Variants in KCNIP4 observed in about 807,000 individuals in gnomAD.
KCNIP4 encodes the protein potassium voltage-gated channel interacting protein 4.
KCNIP4 carries 12 observed loss-of-function variants against 34.0 expected under a neutral mutation model. That is an observed-to-expected ratio of 0.35 (90% CI 0.23 to 0.57). The LOEUF is 0.57. Ranked by LOEUF, KCNIP4 falls within the 20% of genes least tolerant of loss-of-function variation. The pLI is 0.83. For missense variants in KCNIP4, 238 were observed against 311.7 expected (o/e 0.76, Z 1.78); for synonymous variants, 124 against 102.2 (o/e 1.21, Z -1.29).
At chr4:21,533,656 C>T (rs1311595030) in intron 1 of KCNIP4, among the ~76,000 whole-genome samples, 2 of 152,026 alleles carry the variant, frequency 1.3e-5, no homozygotes, top group African/African-American at 4.8e-5. Context: ...CAGAAAAAAA[C>T]TTTTAATAGT....
chr4:21,175,653 G>A (rs749685360), intron 1 of KCNIP4, among the ~76,000 whole-genome samples: 6 of 152,170 alleles, frequency 3.9e-5, no homozygotes, highest in Non-Finnish European at 7.3e-5. Flanking sequence ...CGCAAGCACT[G>A]CAATACTTCA....
At chr4:21,400,221 G>A (rs562644508) in intron 1 of KCNIP4, among the ~76,000 whole-genome samples, 20 of 152,198 alleles carry the variant, frequency 1.3e-4, no homozygotes, top group East Asian at 3.9e-4. Context: ...GCAGGGGAGC[G>A]TGGGTGAAAA....
At chr4:21,519,765 G>C (rs1475560291) in intron 1 of KCNIP4, among the ~76,000 whole-genome samples, 1 of 136,528 alleles carries the variant, frequency 7.3e-6, no homozygotes, top group Non-Finnish European at 1.5e-5. Flanking sequence ...GTATGTATGT[G>C]TGTATACACA....
chr4:21,562,966 A>G (rs1739580140), intron 1 of KCNIP4, among the ~76,000 whole-genome samples: 1 of 152,176 alleles, frequency 6.6e-6, no homozygotes, highest in East Asian at 1.9e-4. Flanking sequence ...CCTTTGATTT[A>G]TCTTACAAGG....
At chr4:21,310,043 T>C (rs1245661791) in intron 1 of KCNIP4, among the ~76,000 whole-genome samples, 1 of 152,014 alleles carries the variant, frequency 6.6e-6, no homozygotes, top group Non-Finnish European at 1.5e-5. Context: ...TTTTTTGGTT[T>C]TTTTGAGACA....
At chr4:21,753,911 A>G (rs1717324427) in intron 1 of KCNIP4, among the ~76,000 whole-genome samples, 1 of 151,904 alleles carries the variant, frequency 6.6e-6, no homozygotes, top group South Asian at 2.1e-4. Context: ...CTCTCCATCT[A>G]CTGACCCCCT....
At chr4:21,369,102 G>A (rs1255449695) in intron 1 of KCNIP4, among the ~76,000 whole-genome samples, 1 of 146,946 alleles carries the variant, frequency 6.8e-6, no homozygotes, top group African/African-American at 2.7e-5. Context: ...CTAGCTGAAT[G>A]GTCTTGAGAA....
chr4:21,570,789 C>T (rs1293590031), intron 1 of KCNIP4, among the ~76,000 whole-genome samples: 1 of 152,042 alleles, frequency 6.6e-6, no homozygotes, highest in Non-Finnish European at 1.5e-5. Flanking sequence ...AATGTTTATC[C>T]AGTACTCAAT....
At position 21,303,679 on chromosome 4, in the gene KCNIP4, G is replaced by C. The variant is rs113765120; in HGVS notation, c.62-420970C>G. 5 of 624,194 alleles carry C rather than the reference G, an allele frequency of 8.0e-6. No homozygotes were observed. The African/African-American group carries it at 9.3e-5, about 12-fold the overall frequency. 38.7% of individuals were successfully genotyped at this position (624,194 alleles called of 1,614,324 possible). ...TAATCTTTCCTACCCTGAAAAACCT[G>C]GCTTCCTTCATGTCCATCCCAGAGT... On this transcript the variant is annotated intron_variant, in intron 1 of 8. Transcript: ENST00000382152.
chr4:21,319,151 A>G (rs760877030), intron 1 of KCNIP4, among the ~76,000 whole-genome samples: 2 of 152,198 alleles, frequency 1.3e-5, no homozygotes, highest in African/African-American at 2.4e-5. Flanking sequence ...AGGCAAAGGA[A>G]AATGGAAAAG....
chr4:20,865,730 G>T lies in KCNIP4; in HGVS notation c.164-15063C>A, dbSNP rs183896869. The stretch of plus-strand genomic sequence containing the variant: ...AGGAACTAGGGAGATGTAGGTCAAG[G>T]TATAGAAAGTAACATATAGGATGAA... On this transcript the variant is annotated intron_variant, in intron 2 of 8. Coordinates refer to ENST00000382152, the MANE Select transcript of KCNIP4 (RefSeq NM_025221.6). 5.9e-5 allele frequency among the ~76,000 whole-genome samples: 9 copies of T among 152,072 alleles called. No individual in the cohort carries two copies. In the East Asian group the frequency reaches 1.7e-3, roughly 29 times the overall value.
intron 3 of KCNIP4, among the ~76,000 whole-genome samples, chr4:20,766,125 A>T (rs956299864): frequency 1.3e-5 from 2 of 152,190 alleles, no homozygotes; most frequent in African/African-American, 2.4e-5. Flanking sequence ...AATGTTTTAC[A>T]TGGATTATCT....
At chr4:21,159,072 C>A (rs184714381) in intron 1 of KCNIP4, among the ~76,000 whole-genome samples, 2 of 152,030 alleles carry the variant, frequency 1.3e-5, no homozygotes, top group Non-Finnish European at 2.9e-5. Context: ...AAACTCACAG[C>A]GGGCATTGTT....
At chr4:21,091,927 G>C (rs570005136) in intron 1 of KCNIP4, among the ~76,000 whole-genome samples, 3 of 152,208 alleles carry the variant, frequency 2.0e-5, no homozygotes, top group African/African-American at 7.2e-5. Flanking sequence ...CAGTCCATAA[G>C]ACCATGAAAA....
rs138840296 is a variant in KCNIP4 at position 20,961,141 on chromosome 4, T to G, written c.62-78432A>C. ...GGCCTAAGGAAAAGGAAAATAGAACTTAAGAGCTCAGTAAAAAATGTTTAT... is the reference window on the plus strand; with the variant it reads ...GGCCTAAGGAAAAGGAAAATAGAACGTAAGAGCTCAGTAAAAAATGTTTAT... On this transcript the variant is annotated intron_variant, in intron 1 of 8. Transcript: ENST00000382152. Among the ~76,000 whole-genome samples the G allele has an allele frequency of 2.6e-5, 4 of 152,304 alleles. No individual in the cohort carries two copies. The East Asian group carries it at 7.7e-4, about 29-fold the overall frequency.
intron 2 of KCNIP4, among the ~76,000 whole-genome samples, chr4:20,864,021 T>TATGCATACATACATATGTATGC (rs1722496014): frequency 7.5e-6 from 1 of 133,084 alleles, no homozygotes; most frequent in African/African-American, 3.0e-5. Context: ...TGTGTGTATG[T>TATGCATACATACATATGTATGC]ATACATACAT....
intron 1 of KCNIP4, among the ~76,000 whole-genome samples, chr4:20,971,620 T>A (rs1302549792): frequency 6.6e-6 from 1 of 152,226 alleles, no homozygotes; most frequent in Admixed American, 6.5e-5. Context: ...AACAATCATG[T>A]TTCTTCAGCA....
intron 1 of KCNIP4, among the ~76,000 whole-genome samples, chr4:21,866,942 T>A (rs965434636): frequency 6.6e-6 from 1 of 151,928 alleles, no homozygotes; most frequent in East Asian, 1.9e-4. Context: ...CAGCTAATTT[T>A]TTGTATTTTT....
At chr4:21,063,859 T>G (rs1223758127) in intron 1 of KCNIP4, among the ~76,000 whole-genome samples, 1 of 152,062 alleles carries the variant, frequency 6.6e-6, no homozygotes, top group Non-Finnish European at 1.5e-5. Flanking sequence ...CTTAATCAAA[T>G]GACTCAAGTT....
Sources: allele counts gnomAD v4.1 joint callset (sites outside exome capture counted in the v4.1 genomes callset), GRCh38; gene constraint gnomAD v4.1.1; transcripts MANE v1.5; gene names NCBI Gene and HGNC (gene_info 2026-07-23, HGNC 2026-07-21).